POLR1A: variants seen among roughly 807,000 people sequenced by gnomAD.
POLR1A encodes the protein RNA polymerase I subunit A.
POLR1A carries 84 observed loss-of-function variants against 205.3 expected under a neutral mutation model. The observed-to-expected ratio is 0.41, with a 90% CI of 0.34 to 0.49. POLR1A has a LOEUF of 0.49. Among genes scored for constraint, POLR1A ranks in the 20% least tolerant of loss-of-function variants. POLR1A has a pLI of 0.22. For missense variants in POLR1A, 1,645 were observed against 2,204.5 expected (o/e 0.75, Z 5.08); for synonymous variants, 799 against 863.7 (o/e 0.93, Z 1.31).
intron 24 of POLR1A, among the ~76,000 whole-genome samples, chr2:86,041,249 G>A (rs1472181290): frequency 8.6e-6 from 1 of 116,640 alleles, no homozygotes; most frequent in African/African-American, 4.3e-5. Context: ...CAGTGTCTGT[G>A]TGTGTGTGTG....
At chr2:86,054,793 C>A (rs138975958) in intron 14 of POLR1A, among the ~76,000 whole-genome samples, 1 of 152,324 alleles carries the variant, frequency 6.6e-6, no homozygotes, top group East Asian at 1.9e-4. Context: ...CTTTCTCAAG[C>A]GGCTGCTCTG....
chr2:86,103,316 T>C lies in POLR1A; in HGVS notation c.77+2384A>G, dbSNP rs1459743792. Among the ~76,000 whole-genome samples the C allele has an allele frequency of 2.6e-5, 4 of 152,062 alleles. No individual in the cohort carries two copies. In the East Asian group the frequency reaches 7.7e-4, roughly 29 times the overall value. On this transcript the variant is annotated intron_variant, in intron 1 of 33. Coordinates refer to ENST00000263857, the MANE Select transcript of POLR1A (RefSeq NM_015425.6). The stretch of plus-strand genomic sequence containing the variant: ...GAGTGCAAAGGTCCTGAGGTGGATG[T>C]GTGCCCGTGGTGCTCTGGATGCAGC...
At position 86,026,956 on chromosome 2, in the gene POLR1A, T is replaced by A. The variant is rs368641480; in HGVS notation, c.*467A>T. 94 of 179,748 alleles carry A rather than the reference T, an allele frequency of 5.2e-4. No individual in the cohort carries two copies. The highest frequency in any genetic ancestry group is 2.9e-3 in the Middle Eastern group (1 of 348). 11.1% of individuals were successfully genotyped at this position (179,748 alleles called of 1,614,324 possible). A position where few individuals can be genotyped will look rare whatever the true frequency, so the allele number is the denominator to read the frequency against. ...GCAGCAGGCTCCACGTTCCTGCTCA[T>A]CGGGAGCCCCCAGGAATCTTGTCTG... On this transcript the variant is annotated 3_prime_UTR_variant, in exon 34 of 34. Transcript: ENST00000263857.
intron 18 of POLR1A, among the ~76,000 whole-genome samples, chr2:86,048,610 G>A (rs1309766374): frequency 6.6e-6 from 1 of 152,172 alleles, no homozygotes; most frequent in Admixed American, 6.5e-5. Context: ...CTTTAATGCA[G>A]TCACCCCAAA....
chr2:86,034,486 A>C (rs983403637), intron 27 of POLR1A, among the ~76,000 whole-genome samples: 1 of 152,246 alleles, frequency 6.6e-6, no homozygotes, highest in Non-Finnish European at 1.5e-5. Context: ...CCTGAAGCTC[A>C]GAACCTGGCC....
At chr2:86,094,915 CCTT>C (rs1201566416) in intron 3 of POLR1A, among the ~76,000 whole-genome samples, 1 of 152,224 alleles carries the variant, frequency 6.6e-6, no homozygotes, top group African/African-American at 2.4e-5. Context: ...GTGGACCCCT[CCTT>C]ATCATATTTG....
chr2:86,105,822 T>C lies in POLR1A; in HGVS notation c.-46A>G, dbSNP rs1431023991. The C allele has an allele frequency of 2.0e-6, 3 of 1,474,626 alleles. No homozygotes were observed. The African/African-American group carries it at 4.1e-5, about 20-fold the overall frequency. The allele number at this position is 1,474,626 out of a possible 1,614,324, so 91.3% of individuals were successfully genotyped here. A position where few individuals can be genotyped will look rare whatever the true frequency, so the allele number is the denominator to read the frequency against. On this transcript the variant is annotated 5_prime_UTR_variant, in exon 1 of 34. Transcript: ENST00000263857. Reference sequence around the variant, plus strand: ...TCCGACACCCCAAGAGACGTTCCACTCACCACCTGACTATTCTTAATTCAA... The same window carrying C: ...TCCGACACCCCAAGAGACGTTCCACCCACCACCTGACTATTCTTAATTCAA...
rs1672855363 is a variant in POLR1A at position 86,054,158 on chromosome 2, G to C, written c.2190C>G (p.Asp730Glu). The C allele has an allele frequency of 4.3e-6, 7 of 1,613,846 alleles. No individual in the cohort carries two copies. Among genetic ancestry groups the C allele is most frequent in the Non-Finnish European group, 5.1e-6 (6 of 1,179,864 alleles). ...TPRSVPGFNP[D>E]SMCESQVIIR... ...GCCATACCTGGGACTCGCACATCGAGTCAGGGTTAAAGCCAGGAACGGATC... is the reference window on the plus strand; with the variant it reads ...GCCATACCTGGGACTCGCACATCGACTCAGGGTTAAAGCCAGGAACGGATC... The change falls in exon 15 of 34, where the codon GAC (aspartate) becomes GAG (glutamate). Residue 730 changes from aspartate (D) to glutamate (E), a missense_variant. Physicochemically the swap from Asp to Glu is conservative, Grantham distance 45. Transcript: ENST00000263857.
chr2:86,038,058 C>T (rs1672531046), intron 27 of POLR1A, among the ~76,000 whole-genome samples: 2 of 152,234 alleles, frequency 1.3e-5, no homozygotes, highest in African/African-American at 2.4e-5. Context: ...AGTCTTGCCC[C>T]AGTCCCCAAA....
intron 21 of POLR1A, among the ~76,000 whole-genome samples, chr2:86,044,606 C>T (rs1485800522): frequency 6.6e-6 from 1 of 152,204 alleles, no homozygotes; most frequent in Non-Finnish European, 1.5e-5. Flanking sequence ...AGATGACTGT[C>T]TGCCCCTACA....
At chr2:86,102,476 T>G (rs1045385885) in intron 1 of POLR1A, among the ~76,000 whole-genome samples, 21 of 152,344 alleles carry the variant, frequency 1.4e-4, no homozygotes, top group Admixed American at 1.2e-3. Context: ...GAATTTTGTG[T>G]TGTTGTTGAG....
chr2:86,040,651 C>T, intron 24 of POLR1A, 92 bp from the exon 25 acceptor site: 1 of 1,012,568 alleles, frequency 9.9e-7, no homozygotes. Context: ...AACCAGAAAA[C>T]TGAAACCTCT....
intron 18 of POLR1A, among the ~76,000 whole-genome samples, chr2:86,047,810 C>T (rs1302160306): frequency 6.6e-6 from 1 of 152,176 alleles, no homozygotes; most frequent in Non-Finnish European, 1.5e-5. Context: ...GAGAAGGGGG[C>T]TCTGAGTCTG....
chr2:86,094,890 G>A (rs1016986254), intron 3 of POLR1A, among the ~76,000 whole-genome samples: 2 of 152,018 alleles, frequency 1.3e-5, no homozygotes, highest in Admixed American at 6.5e-5. Context: ...AGCTCCACAT[G>A]AGCCCACCCT....
chr2:86,087,188 T>A (rs115027960), intron 6 of POLR1A, among the ~76,000 whole-genome samples: 3,331 of 152,360 alleles, frequency 0.022, 66 homozygotes, highest in Non-Finnish European at 0.034. Flanking sequence ...TTCTCTGTAC[T>A]ATGTTTACTA....
chr2:86,082,292 A>G (rs980417207), intron 7 of POLR1A, among the ~76,000 whole-genome samples: 3 of 152,118 alleles, frequency 2.0e-5, no homozygotes, highest in African/African-American at 4.8e-5. Flanking sequence ...CTTGTTTTTA[A>G]TCACCCTCCT....
intron 3 of POLR1A, among the ~76,000 whole-genome samples, chr2:86,092,597 G>T (rs1673628002): frequency 6.6e-6 from 1 of 152,184 alleles, no homozygotes; most frequent in Non-Finnish European, 1.5e-5. Context: ...GGCCAAGGTG[G>T]GTGGATCACT....
intron 14 of POLR1A, among the ~76,000 whole-genome samples, chr2:86,061,827 G>A (rs996195797): frequency 2.0e-5 from 3 of 151,428 alleles, no homozygotes; most frequent in Admixed American, 2.0e-4. Flanking sequence ...TACCTTTGAC[G>A]AGGGGTAGAA....
chr2:86,038,498 G>C (rs7599656), intron 27 of POLR1A, among the ~76,000 whole-genome samples: 1 of 152,206 alleles, frequency 6.6e-6, no homozygotes, highest in Non-Finnish European at 1.5e-5. Context: ...GTGTGGCTAA[G>C]AAAGTCATAC....
Sources: allele counts gnomAD v4.1 joint callset (sites outside exome capture counted in the v4.1 genomes callset), GRCh38; gene constraint gnomAD v4.1.1; transcripts MANE v1.5; gene names NCBI Gene and HGNC (gene_info 2026-07-23, HGNC 2026-07-21).